BICD1: variants seen among roughly 807,000 people sequenced by gnomAD.
BICD1 encodes protein bicaudal D homolog 1.
In BICD1, 35 loss-of-function variants were observed where a neutral mutation model predicts 92.5. That is an observed-to-expected ratio of 0.38 (90% CI 0.29 to 0.50). The LOEUF is 0.50. BICD1 is among the 20% of genes least tolerant of loss of function. BICD1 has a pLI of 0.93. For missense variants in BICD1, 950 were observed against 1,189.8 expected, an observed-to-expected ratio of 0.80 and a Z score of 2.97; for synonymous variants, 429 against 465.1, an observed-to-expected ratio of 0.92 and a Z score of 1.00.
chr12:32,114,303 C>T (rs890001151), intron 1 of BICD1, among the ~76,000 whole-genome samples: 14 of 152,198 alleles, frequency 9.2e-5, no homozygotes, highest in Non-Finnish European at 1.5e-5. Flanking sequence ...CCATTGTGCC[C>T]AGCCACATAA....
chr12:32,248,890 C>T (rs1322538561), intron 2 of BICD1, among the ~76,000 whole-genome samples: 1 of 152,342 alleles, frequency 6.6e-6, no homozygotes, highest in East Asian at 1.9e-4. Flanking sequence ...GGCTCCACCC[C>T]ATCCTTCCAG....
At chr12:32,166,167 G>A (rs1304399802) in intron 1 of BICD1, among the ~76,000 whole-genome samples, 3 of 128,412 alleles carry the variant, frequency 2.3e-5, no homozygotes, top group East Asian at 4.7e-4. Flanking sequence ...CCAGCGTTTC[G>A]TTCTGTCACC....
In BICD1 at chr12:32,107,398, G is replaced by A; in HGVS notation, c.67G>A (p.Glu23Lys). 6.2e-7 allele frequency: 1 copy of A among 1,611,954 alleles called. No homozygotes were observed. The highest frequency in any genetic ancestry group is 8.5e-7 in the Non-Finnish European group (1 of 1,179,284). The change falls in exon 1 of 10, where the codon GAG becomes AAG. Residue 23 changes from glutamate (E) to lysine (K), a missense_variant. By Grantham distance (56) the Glu-to-Lys change is moderately conservative. Transcript: ENST00000652176. ...GACTGAGATAGAGAGGCTAACCAAG[G>A]AGCTCACGGAGACCACCCACGAGAA... ...YKTEIERLTKELTETTHEKIQ... is the reference protein window; with the variant it reads ...YKTEIERLTKKLTETTHEKIQ...
chr12:32,285,621 A>G (rs761107758), intron 2 of BICD1, among the ~76,000 whole-genome samples: 1 of 152,220 alleles, frequency 6.6e-6, no homozygotes, highest in Non-Finnish European at 1.5e-5. Context: ...GAATGCTGCT[A>G]TGCTCAGGTG....
intron 1 of BICD1, among the ~76,000 whole-genome samples, chr12:32,151,559 C>T (rs1289602607): frequency 1.3e-5 from 2 of 152,214 alleles, no homozygotes; most frequent in African/African-American, 4.8e-5. Flanking sequence ...GTTATGTTCT[C>T]AGGCATCCCT....
intron 2 of BICD1, among the ~76,000 whole-genome samples, chr12:32,220,075 C>T (rs1945470474): frequency 6.6e-6 from 1 of 152,120 alleles, no homozygotes; most frequent in African/African-American, 2.4e-5. Flanking sequence ...TTCCTTACAC[C>T]TTATACAAAA....
intron 1 of BICD1, among the ~76,000 whole-genome samples, chr12:32,161,258 A>G (rs1300249573): frequency 6.6e-6 from 1 of 152,232 alleles, no homozygotes; most frequent in Non-Finnish European, 1.5e-5. Context: ...CATGCCGTAT[A>G]ACAAATGAAA....
intron 8 of BICD1, among the ~76,000 whole-genome samples, chr12:32,364,543 C>G (rs771004465): frequency 6.6e-6 from 1 of 152,164 alleles, no homozygotes; most frequent in Non-Finnish European, 1.5e-5. Context: ...AGCAATGTAG[C>G]TACATTTTAG....
chr12:32,180,248 T>C (rs1944233931), intron 1 of BICD1, among the ~76,000 whole-genome samples: 1 of 151,936 alleles, frequency 6.6e-6, no homozygotes, highest in African/African-American at 2.4e-5. Context: ...ATTTCCTGCC[T>C]GGACCTTGAA....
At chr12:32,171,802 C>T (rs1592412557) in intron 1 of BICD1, among the ~76,000 whole-genome samples, 3 of 151,874 alleles carry the variant, frequency 2.0e-5, no homozygotes, top group Admixed American at 6.6e-5. Context: ...GGCATGGTGG[C>T]GTGCACCTGT....
chr12:32,377,725 G>C lies in BICD1; in HGVS notation c.*98G>C. The C allele has an allele frequency of 9.2e-7, 1 of 1,086,462 alleles. No individual in the cohort carries two copies. The highest frequency in any genetic ancestry group is 1.4e-6 in the Non-Finnish European group (1 of 710,554). 67.3% of individuals were successfully genotyped at this position (1,086,462 alleles called of 1,614,324 possible). On this transcript the variant is annotated 3_prime_UTR_variant, in exon 10 of 10. Transcript: ENST00000652176. ...GCGGGTGTTTTCTTCTCGGTTGTTA[G>C]ATGTACAATTGGATTAATGTCCATC...
intron 1 of BICD1, among the ~76,000 whole-genome samples, chr12:32,116,969 G>A (rs1332997358): frequency 1.4e-5 from 2 of 139,892 alleles, no homozygotes; most frequent in African/African-American, 5.0e-5. Context: ...CATATTTTCT[G>A]ATCTCACCTA....
At chr12:32,307,841 C>A (rs887965006) in intron 4 of BICD1, among the ~76,000 whole-genome samples, 15 of 152,126 alleles carry the variant, frequency 9.9e-5, no homozygotes, top group African/African-American at 3.4e-4. Context: ...AGAATTTGTG[C>A]CCCCCAGATT....
chr12:32,257,211 CAAAA>C (rs35294412), intron 2 of BICD1, among the ~76,000 whole-genome samples: 1 of 78,250 alleles, frequency 1.3e-5, no homozygotes, highest in Non-Finnish European at 2.3e-5. Flanking sequence ...GACTCTGTCT[CAAAA>C]AAAAAAAAAA....
At position 32,206,245 on chromosome 12, in the gene BICD1, T is replaced by C. The variant is rs142690825; in HGVS notation, c.214-10002T>C. 2.0e-4 allele frequency among the ~76,000 whole-genome samples: 30 copies of C among 152,338 alleles called. No homozygotes were observed. In the East Asian group the frequency reaches 5.0e-3, roughly 25 times the overall value. On this transcript the variant is annotated intron_variant, in intron 1 of 9. Coordinates refer to ENST00000652176, the MANE Select transcript of BICD1 (RefSeq NM_001714.4). ...ATGGTTGGATTGCATGGTAGGAATA[T>C]GCATATAGTAATTTATTTTTATTGC...
intron 2 of BICD1, among the ~76,000 whole-genome samples, chr12:32,260,189 T>C (rs1450518264): frequency 1.3e-5 from 2 of 152,070 alleles, no homozygotes; most frequent in Admixed American, 1.3e-4. Context: ...CCTCCCAAAG[T>C]GTTGGGATTG....
In BICD1 at chr12:32,149,119, T is replaced by C. The variant is rs113915461; in HGVS notation, c.213+41575T>C. Among the ~76,000 whole-genome samples the C allele has an allele frequency of 2.7e-3, 404 of 152,328 alleles. 3 individuals carry two copies. The highest frequency in any genetic ancestry group is 9.5e-3 in the African/African-American group (395 of 41,582). On this transcript the variant is annotated intron_variant, in intron 1 of 9. Transcript: ENST00000652176. ...TTAAGCATTTCATACATTGTTCCTGTACTGCACTGGGTCTCCTTGTGCTGA... is the reference window on the plus strand; with the variant it reads ...TTAAGCATTTCATACATTGTTCCTGCACTGCACTGGGTCTCCTTGTGCTGA...
intron 1 of BICD1, among the ~76,000 whole-genome samples, chr12:32,196,290 TG>T (rs1460485550): frequency 2.0e-5 from 3 of 152,202 alleles, no homozygotes; most frequent in Non-Finnish European, 4.4e-5. Flanking sequence ...ATCCCACTTC[TG>T]GGATGAAATA....
rs1185628924 is a variant in BICD1, at chr12:32,374,910, C to CTTTTTTTTT, written c.2841-2612_2841-2604dup. 6.0e-5 allele frequency among the ~76,000 whole-genome samples: 3 copies of CTTTTTTTTT among 49,604 alleles called. 1 individual carries two copies. The highest frequency in any genetic ancestry group is 3.1e-4 in the African/African-American group (3 of 9,706). The allele number at this position is 49,604 out of a possible 152,430, so 32.5% of individuals were successfully genotyped here. On this transcript the variant is annotated intron_variant, in intron 9 of 9. Transcript: ENST00000652176. ...CCTAAGATTTTCTTCATTTATTTTCCTTTTTTTTTTTTTTTTTTTTTTTTT... is the reference window on the plus strand; with the variant it reads ...CCTAAGATTTTCTTCATTTATTTTCCTTTTTTTTTTTTTTTTTTTTTTTTTTTTTTTTTT...
Sources: gnomAD v4.1 joint callset for allele counts (sites outside exome capture counted in the v4.1 genomes callset) on GRCh38, gnomAD v4.1.1 for gene constraint, MANE v1.5 for transcripts, NCBI Gene and HGNC (gene_info 2026-07-23, HGNC 2026-07-21) for gene names.